The following NOP58 variants were observed in gnomAD, a reference collection of about 807,000 sequenced individuals.
NOP58 encodes the protein NOP58 ribonucleoprotein, also known as nucleolar protein 58.
In NOP58, 44 loss-of-function variants were observed where a neutral mutation model predicts 71.2. The observed-to-expected ratio is 0.62, with a 90% CI of 0.49 to 0.79. The LOEUF is 0.79. NOP58 is among the 30% of genes least tolerant of loss of function. The pLI is 0.00. For missense variants in NOP58, 538 were observed against 620.2 expected, an observed-to-expected ratio of 0.87 and a Z score of 1.41; for synonymous variants, 228 against 200.3, an observed-to-expected ratio of 1.14 and a Z score of -1.17.
chr2:202,289,445 T>C (rs1397192962), intron 6 of NOP58, among the ~76,000 whole-genome samples: 4 of 152,248 alleles, frequency 2.6e-5, no homozygotes, highest in Admixed American at 2.0e-4. Flanking sequence ...ATTTAAAATA[T>C]TGTGTAAAAT....
intron 12 of NOP58, among the ~76,000 whole-genome samples, chr2:202,298,503 T>G (rs1267533786): frequency 2.0e-5 from 3 of 151,938 alleles, no homozygotes; most frequent in Non-Finnish European, 4.4e-5. Flanking sequence ...ATACAAAAAA[T>G]TAACTGGGTG....
At chr2:202,272,221 A>G (rs1242805743) in intron 1 of NOP58, among the ~76,000 whole-genome samples, 1 of 136,844 alleles carries the variant, frequency 7.3e-6, no homozygotes, top group Non-Finnish European at 1.5e-5. Flanking sequence ...GCGCGATCTC[A>G]GCTCACTGCA....
chr2:202,290,551 C>T, intron 7 of NOP58, 94 bp downstream of exon 7: 1 of 1,167,024 alleles, frequency 8.6e-7, no homozygotes, highest in Non-Finnish European at 1.2e-6. Context: ...AGCAAGATTC[C>T]CAGGGTTTTT....
chr2:202,292,599 C>T (rs1278478028), intron 8 of NOP58, among the ~76,000 whole-genome samples, 178 bp from the exon 9 acceptor site: 2 of 151,772 alleles, frequency 1.3e-5, no homozygotes, highest in Non-Finnish European at 2.9e-5. Context: ...GATTGCGCCA[C>T]TGCGCTCCAG....
intron 1 of NOP58, among the ~76,000 whole-genome samples, chr2:202,267,985 A>G (rs1334735691): frequency 6.6e-6 from 1 of 152,212 alleles, no homozygotes; most frequent in Non-Finnish European, 1.5e-5. Context: ...GACATTGATT[A>G]GTTTGTAATT....
At chr2:202,289,623 TAGTC>T (rs540888822) in intron 6 of NOP58, among the ~76,000 whole-genome samples, 29 of 152,306 alleles carry the variant, frequency 1.9e-4, no homozygotes, top group African/African-American at 6.0e-4. Context: ...AGTGGAATGT[TAGTC>T]AGCCTTAAAA....
intron 3 of NOP58, chr2:202,278,272 A>G (rs746869901): frequency 1.8e-6 from 1 of 562,866 alleles, no homozygotes; most frequent in South Asian, 1.5e-5. Flanking sequence ...TCCCTGTGGA[A>G]ACCAGCAACA....
At chr2:202,283,526 C>T (rs369931869) in intron 4 of NOP58, among the ~76,000 whole-genome samples, 78 of 151,694 alleles carry the variant, frequency 5.1e-4, no homozygotes, top group East Asian at 2.1e-3. Flanking sequence ...CTGCAACCTC[C>T]GCCTCCTGGG....
At chr2:202,272,569 A>ATAAATTAT (rs1241595310) in intron 1 of NOP58, among the ~76,000 whole-genome samples, 1 of 152,258 alleles carries the variant, frequency 6.6e-6, no homozygotes, top group Non-Finnish European at 1.5e-5. Flanking sequence ...AGTTGGTATT[A>ATAAATTAT]ACAATTTATA....
chr2:202,280,949 C>T (rs1050339507), intron 3 of NOP58, among the ~76,000 whole-genome samples: 1 of 151,538 alleles, frequency 6.6e-6, no homozygotes, highest in African/African-American at 2.4e-5. Context: ...GGTCGCATCT[C>T]CTGACCTCGT....
At chr2:202,277,204 A>G (rs559272766) in intron 2 of NOP58, among the ~76,000 whole-genome samples, 5 of 151,616 alleles carry the variant, frequency 3.3e-5, no homozygotes, top group Non-Finnish European at 7.4e-5. Context: ...GGAGAATGGC[A>G]TGAGGCAGGA....
At chr2:202,290,295 T>C (rs771745657) in intron 6 of NOP58, 28 bp from the exon 7 acceptor site, 2 of 1,557,830 alleles carry the variant, frequency 1.3e-6, no homozygotes, top group Admixed American at 1.9e-5. Flanking sequence ...CCTTTAAGTT[T>C]TGTTTGTTTG....
chr2:202,272,564 G>A (rs1468477297), intron 1 of NOP58, among the ~76,000 whole-genome samples: 1 of 152,144 alleles, frequency 6.6e-6, no homozygotes, highest in African/African-American at 2.4e-5. Context: ...CCTAGAGTTG[G>A]TATTAACAAT....
intron 14 of NOP58, 32 bp downstream of exon 14, chr2:202,303,089 TGGAG>T (rs745820335): frequency 1.2e-5 from 19 of 1,600,350 alleles, no homozygotes; most frequent in African/African-American, 2.7e-5. Flanking sequence ...GGTTTTCACT[TGGAG>T]GGGCCAGTTC....
At chr2:202,295,543 T>A in intron 9 of NOP58, 131 bp from the exon 10 acceptor site, 1 of 649,758 alleles carries the variant, frequency 1.5e-6, no homozygotes, top group South Asian at 3.9e-5. Flanking sequence ...AATTCTGGAT[T>A]ATAGAATTCT....
At chr2:202,293,105 C>T (rs1239550548) in intron 9 of NOP58, 1 of 739,952 alleles carries the variant, frequency 1.4e-6, no homozygotes, top group African/African-American at 1.7e-5. Flanking sequence ...ATAATGAAGG[C>T]ATCTTTAGTC....
Position 202,300,167 on chromosome 2 carries a change from T to A in NOP58, c.1269-67T>A, listed in dbSNP as rs1248749080. On this transcript the variant is annotated intron_variant, in intron 12 of 14. Coordinates refer to ENST00000264279, the MANE Select transcript of NOP58 (RefSeq NM_015934.5). ...GTATTATCTAATGGCATTTTCTTTA[T>A]CTCTTGAGAATTATTTCAATTCCAG... 2.3e-6 allele frequency: 3 copies of A among 1,331,104 alleles called. No individual in the cohort carries two copies. The East Asian group carries it at 7.1e-5, about 31-fold the overall frequency. The allele number at this position is 1,331,104 out of a possible 1,614,324, so 82.5% of individuals were successfully genotyped here.
chr2:202,273,087 T>C (rs1212961556), intron 1 of NOP58, among the ~76,000 whole-genome samples: 1 of 152,198 alleles, frequency 6.6e-6, no homozygotes, highest in Admixed American at 6.5e-5. Context: ...ATCCTGCCAT[T>C]GCACTCCAGC....
chr2:202,278,499 CAG>C (rs543621879), intron 3 of NOP58, among the ~76,000 whole-genome samples: 27 of 152,268 alleles, frequency 1.8e-4, no homozygotes, highest in Admixed American at 3.3e-4. Context: ...CAGAAACTGA[CAG>C]AGGTGTTATT....
Sources: gnomAD v4.1 joint callset for allele counts (sites outside exome capture counted in the v4.1 genomes callset) on GRCh38, gnomAD v4.1.1 for gene constraint, MANE v1.5 for transcripts, NCBI Gene and HGNC (gene_info 2026-07-23, HGNC 2026-07-21) for gene names.